The following SLC8A1 variants were observed in gnomAD, a reference collection of about 807,000 sequenced individuals.
SLC8A1 encodes the protein sodium/calcium exchanger 1.
In SLC8A1, 18 loss-of-function variants were observed where a neutral mutation model predicts 68.3. That is an observed-to-expected ratio of 0.26 (90% confidence interval 0.18 to 0.39). The LOEUF is 0.39. Ranked by LOEUF, SLC8A1 falls within the 10% of genes least tolerant of loss-of-function variation. The pLI is 1.00. For missense variants in SLC8A1, 985 were observed against 1,156.7 expected, an observed-to-expected ratio of 0.85 and a Z score of 2.15; for synonymous variants, 475 against 415.5, an observed-to-expected ratio of 1.14 and a Z score of -1.74.
At chr2:40,139,535 A>T (rs2041164372) in exon 7 of SLC8A1, 1 of 1,614,078 alleles carries the variant, frequency 6.2e-7, no homozygotes, top group African/African-American at 1.3e-5. Context: ...GGAGACAATG[A>T]AACACGCCCA....
chr2:40,304,067 A>C (rs889936198), intron 2 of SLC8A1, among the ~76,000 whole-genome samples: 1 of 152,220 alleles, frequency 6.6e-6, no homozygotes, highest in Non-Finnish European at 1.5e-5. Flanking sequence ...CTGTTGCATA[A>C]ATGCAAAATA....
chr2:40,423,933 T>A (rs1305113387), intron 2 of SLC8A1, among the ~76,000 whole-genome samples: 1 of 152,026 alleles, frequency 6.6e-6, no homozygotes, highest in Non-Finnish European at 1.5e-5. Context: ...TATTCTGTTC[T>A]GAAAAGATAA....
At chr2:40,415,060 C>G (rs1299025610) in intron 2 of SLC8A1, among the ~76,000 whole-genome samples, 1 of 152,122 alleles carries the variant, frequency 6.6e-6, no homozygotes, top group African/African-American at 2.4e-5. Context: ...ACTCTGAGGA[C>G]TATTCATGGA....
chr2:40,199,186 G>A (rs1216227296), intron 2 of SLC8A1, among the ~76,000 whole-genome samples: 2 of 151,766 alleles, frequency 1.3e-5, no homozygotes, highest in Non-Finnish European at 2.9e-5. Context: ...ATGTGATGGG[G>A]CCTACTTGGA....
At chr2:40,207,926 T>C (rs2055794276) in intron 2 of SLC8A1, among the ~76,000 whole-genome samples, 1 of 152,094 alleles carries the variant, frequency 6.6e-6, no homozygotes, top group African/African-American at 2.4e-5. Flanking sequence ...ATATTCAAAG[T>C]ATGCTGCAGC....
intron 2 of SLC8A1, among the ~76,000 whole-genome samples, chr2:40,369,925 T>C (rs1677498459): frequency 1.3e-5 from 2 of 152,072 alleles, no homozygotes; most frequent in African/African-American, 4.8e-5. Context: ...TAATTCAAAA[T>C]TTATTCTTTG....
chr2:40,313,411 G>A (rs2074006793), intron 2 of SLC8A1, among the ~76,000 whole-genome samples: 1 of 151,950 alleles, frequency 6.6e-6, no homozygotes, highest in Non-Finnish European at 1.5e-5. Flanking sequence ...TTTCTTTTCT[G>A]TTGGGTAGAT....
At chr2:40,418,987 AAGG>A (rs1694714091) in intron 2 of SLC8A1, among the ~76,000 whole-genome samples, 1 of 152,254 alleles carries the variant, frequency 6.6e-6, no homozygotes, top group South Asian at 2.1e-4. Flanking sequence ...GCACTGAGAG[AAGG>A]AGGCCAAAGA....
intron 2 of SLC8A1, among the ~76,000 whole-genome samples, chr2:40,380,026 T>C (rs967252274): frequency 1.3e-5 from 2 of 152,122 alleles, no homozygotes; most frequent in Non-Finnish European, 2.9e-5. Flanking sequence ...GTCAGCACAT[T>C]TTCTGACATT....
chr2:40,405,243 A>G (rs1689968439), intron 2 of SLC8A1, among the ~76,000 whole-genome samples: 1 of 152,236 alleles, frequency 6.6e-6, no homozygotes, highest in Non-Finnish European at 1.5e-5. Context: ...TACCGAGTGG[A>G]GAAGATGCTA....
chr2:40,333,267 T>C (rs1411798184), intron 2 of SLC8A1, among the ~76,000 whole-genome samples: 2 of 151,990 alleles, frequency 1.3e-5, no homozygotes, highest in African/African-American at 4.8e-5. Flanking sequence ...TGAAACTTCG[T>C]CTCTACTAAA....
chr2:40,117,889 A>G (rs1056914057), intron 7 of SLC8A1, among the ~76,000 whole-genome samples: 4 of 152,174 alleles, frequency 2.6e-5, no homozygotes, highest in African/African-American at 9.7e-5. Flanking sequence ...CTGCTTTACA[A>G]TGGATAAGAA....
At chr2:40,125,139 C>G (rs1257352452) in intron 7 of SLC8A1, among the ~76,000 whole-genome samples, 2 of 152,178 alleles carry the variant, frequency 1.3e-5, no homozygotes. Flanking sequence ...AATAGAGTCT[C>G]TCTGGGAAGG....
At chr2:40,279,232 C>G (rs1486749221) in intron 2 of SLC8A1, among the ~76,000 whole-genome samples, 1 of 152,204 alleles carries the variant, frequency 6.6e-6, no homozygotes, top group Non-Finnish European at 1.5e-5. Flanking sequence ...TCACTTTAGA[C>G]AGCTTTGCCT....
intron 2 of SLC8A1, among the ~76,000 whole-genome samples, chr2:40,189,634 T>C (rs183855470): frequency 1.7e-4 from 26 of 152,290 alleles, no homozygotes; most frequent in African/African-American, 6.0e-4. Context: ...CATATTAAAG[T>C]AATACTTGCT....
At chr2:40,219,274 G>A (rs2057964399) in intron 2 of SLC8A1, among the ~76,000 whole-genome samples, 1 of 152,174 alleles carries the variant, frequency 6.6e-6, no homozygotes, top group African/African-American at 2.4e-5. Flanking sequence ...GTTTGACCTT[G>A]GAGGCTTTTT....
intron 1 of SLC8A1, among the ~76,000 whole-genome samples, chr2:40,501,034 G>C (rs375628598): frequency 1.3e-5 from 2 of 151,692 alleles, no homozygotes; most frequent in Non-Finnish European, 2.9e-5. Flanking sequence ...GTTCTCACGG[G>C]GCTGCTTACT....
exon 8 of SLC8A1, chr2:40,103,557 T>C (rs1439829112): frequency 2.0e-5 from 3 of 152,196 alleles, no homozygotes; most frequent in African/African-American, 7.2e-5. Context: ...AAAAAATAAC[T>C]GGTTAGTTTT....
chr2:40,326,702 C>A (rs2075864332), intron 2 of SLC8A1, among the ~76,000 whole-genome samples: 1 of 152,182 alleles, frequency 6.6e-6, no homozygotes. Context: ...GTCATCACTA[C>A]TATGGGCTAC....
Sources: gnomAD v4.1 joint callset for allele counts (sites outside exome capture counted in the v4.1 genomes callset) on GRCh38, gnomAD v4.1.1 for gene constraint, MANE v1.5 for transcripts, NCBI Gene and HGNC (gene_info 2026-07-23, HGNC 2026-07-21) for gene names.